The following COL23A1 variants were observed in gnomAD, a reference collection of about 807,000 sequenced individuals.
COL23A1 encodes the protein collagen alpha-1(XXIII) chain.
Under a neutral mutation model 99.3 loss-of-function variants are expected in COL23A1, and 97 were observed. That is an observed-to-expected ratio of 0.98 (90% confidence interval 0.83 to 1.16). The LOEUF is 1.16. COL23A1 is among the 50% of genes most tolerant of loss of function. COL23A1 has a pLI of 0.00. For synonymous variants in COL23A1, 320 were observed against 308.2 expected, an observed-to-expected ratio of 1.04 and a Z score of -0.40; for missense variants, 762 against 757.4, an observed-to-expected ratio of 1.01 and a Z score of -0.07.
rs555744217 is a variant in COL23A1 at position 178,384,498 on chromosome 5, G to A, written c.362-77579C>T. On this transcript the variant is annotated intron_variant, in intron 2 of 28. Coordinates refer to ENST00000390654, the MANE Select transcript of COL23A1 (RefSeq NM_173465.4). The surrounding 1 kb of genome is among the most constrained non-coding windows in gnomAD (Gnocchi z 5.5). ...TCGGCTTTTTGGAGGCCACGTGGAC[G>A]GCGCTGAGTGCATCCCTCTCCAGCG... is the stretch of plus-strand genomic sequence containing the variant. Among the ~76,000 whole-genome samples, 24 of 152,126 alleles carry A rather than the reference G, an allele frequency of 1.6e-4. No homozygotes were observed. The highest frequency in any genetic ancestry group is 2.2e-4 in the African/African-American group (9 of 41,520).
In COL23A1 at chr5:178,307,261, C is replaced by CT. The variant is rs1251464000; in HGVS notation, c.362-343dup. 6.6e-6 allele frequency among the ~76,000 whole-genome samples: 1 copy of CT among 152,232 alleles called. No individual in the cohort carries two copies. The highest frequency in any genetic ancestry group is 1.5e-5 in the Non-Finnish European group (1 of 68,050). ...GCTCCTGAGGCAGATGCGTTTGCAG[C>CT]TGAGAAACTTCAGACTTAGGAGGAA... On this transcript the variant is annotated intron_variant, in intron 2 of 28. Coordinates refer to ENST00000390654, the MANE Select transcript of COL23A1 (RefSeq NM_173465.4). This position sits in a 1 kb window ranked among gnomAD's most constrained non-coding sequence, Gnocchi z 4.2.
At chr5:178,358,697 ATGTGTATG>A (rs757760082) in intron 2 of COL23A1, among the ~76,000 whole-genome samples, 392 of 113,992 alleles carry the variant, frequency 3.4e-3, no homozygotes, top group South Asian at 0.028. Flanking sequence ...GTGTGTATGT[ATGTGTATG>A]TGTGTATGTG....
At chr5:178,438,468 C>T (rs974731191) in intron 2 of COL23A1, among the ~76,000 whole-genome samples, 5 of 152,176 alleles carry the variant, frequency 3.3e-5, no homozygotes, top group African/African-American at 4.8e-5. Flanking sequence ...CCTGTAGGAA[C>T]GCAGTTCATC....
chr5:178,279,011 A>C (rs1310946758), intron 5 of COL23A1, among the ~76,000 whole-genome samples: 1 of 152,188 alleles, frequency 6.6e-6, no homozygotes, highest in African/African-American at 2.4e-5. Flanking sequence ...GCCAGGCAGA[A>C]GCCTCATCAT....
At chr5:178,304,505 CAAAAAAAAAAAAA>C (rs35806686) in intron 3 of COL23A1, among the ~76,000 whole-genome samples, 269 of 32,242 alleles carry the variant, frequency 8.3e-3, no homozygotes, top group African/African-American at 0.017. Flanking sequence ...GCGACTGTCT[CAAAAAAAAAAAAA>C]AAAAAAAAAA....
chr5:178,269,377 A>AACCATCCATCCACCCG (rs1193520367), intron 6 of COL23A1, among the ~76,000 whole-genome samples: 1 of 49,274 alleles, frequency 2.0e-5, no homozygotes, highest in African/African-American at 6.3e-5. Context: ...CCACCCATCT[A>AACCATCCATCCACCCG]TCCATCCATC....
At chr5:178,411,559 C>A (rs1765057076) in intron 2 of COL23A1, among the ~76,000 whole-genome samples, 3 of 152,086 alleles carry the variant, frequency 2.0e-5, no homozygotes, top group African/African-American at 7.2e-5. Flanking sequence ...GTATAACTTA[C>A]ATGAAATATA....
At chr5:178,386,749 T>C (rs1401152265) in intron 2 of COL23A1, among the ~76,000 whole-genome samples, 2 of 152,222 alleles carry the variant, frequency 1.3e-5, no homozygotes, top group South Asian at 2.1e-4. Flanking sequence ...GCAGACACCA[T>C]GGGCTCCAGG....
chr5:178,580,327 C>CA lies in COL23A1; in HGVS notation c.294+9576dup, dbSNP rs139837263. 7.0e-3 allele frequency among the ~76,000 whole-genome samples: 794 copies of CA among 113,950 alleles called. 3 individuals are homozygous for CA. The highest frequency in any genetic ancestry group is 0.01 in the African/African-American group (307 of 30,502). 74.8% of individuals were successfully genotyped at this position (113,950 alleles called of 152,430 possible). On this transcript the variant is annotated intron_variant, in intron 1 of 28. Coordinates refer to ENST00000390654, the MANE Select transcript of COL23A1 (RefSeq NM_173465.4). ...TGGGCAACAGACTGAGACTCCATCTCAAAAAAAAAAAAAAGAAAGAAAGAA... is the reference window on the plus strand; with the variant it reads ...TGGGCAACAGACTGAGACTCCATCTCAAAAAAAAAAAAAAAGAAAGAAAGAA...
Position 178,590,289 on chromosome 5 carries a change from C to A in COL23A1, c.-92G>T, listed in dbSNP as rs965571111. On this transcript the variant is annotated 5_prime_UTR_variant, in exon 1 of 29. Coordinates refer to ENST00000390654, the MANE Select transcript of COL23A1 (RefSeq NM_173465.4). This position sits in a 1 kb window ranked among gnomAD's most constrained non-coding sequence, Gnocchi z 5.7. ...GGAGCAGGCGGGACAGCCCGAGGCA[C>A]GAGGTCCGCCGGGCGCGGGGGTTAG... 2 of 1,101,236 alleles carry A rather than the reference C, an allele frequency of 1.8e-6. No homozygotes were observed. Among genetic ancestry groups the A allele is most frequent in the South Asian group, 4.5e-5 (1 of 22,432 alleles). 68.2% of individuals were successfully genotyped at this position (1,101,236 alleles called of 1,614,324 possible).
At chr5:178,251,737 A>G (rs1765039988) in intron 17 of COL23A1, among the ~76,000 whole-genome samples, 1 of 152,122 alleles carries the variant, frequency 6.6e-6, no homozygotes, top group African/African-American at 2.4e-5. Flanking sequence ...CAGCTATAAG[A>G]CAAATGCTTG....
chr5:178,451,108 T>C (rs1415135110), intron 2 of COL23A1, among the ~76,000 whole-genome samples: 2 of 152,224 alleles, frequency 1.3e-5, no homozygotes, highest in Admixed American at 1.3e-4. Flanking sequence ...AAAGCAAGCT[T>C]TCCTGTTAAA....
chr5:178,584,308 CCA>C (rs4045513), intron 1 of COL23A1, among the ~76,000 whole-genome samples: 8,502 of 144,916 alleles, frequency 0.059, 313 homozygotes, highest in South Asian at 0.13. Flanking sequence ...CTGCACCTGG[CCA>C]CACACACACA....
In COL23A1 at chr5:178,250,193, C is replaced by T. The variant is rs373576486; in HGVS notation, c.1015-88G>A. The T allele has an allele frequency of 1.9e-5, 29 of 1,512,430 alleles. No individual in the cohort carries two copies. In the African/African-American group the frequency reaches 1.9e-4, roughly 10 times the overall value. 93.7% of individuals were successfully genotyped at this position (1,512,430 alleles called of 1,614,324 possible). ...AGAGGGCCAGGACACACTGTGCACC[C>T]GGCCCAGGGTGGGTCTTTGCAGTTG... On this transcript the variant is annotated intron_variant, in intron 17 of 28. Transcript: ENST00000390654.
At chr5:178,446,612 T>C (rs958066296) in intron 2 of COL23A1, among the ~76,000 whole-genome samples, 3 of 152,228 alleles carry the variant, frequency 2.0e-5, no homozygotes, top group African/African-American at 7.2e-5. Flanking sequence ...ACCGCTGTCA[T>C]AGATACTATG....
chr5:178,487,678 G>A (rs568601573), intron 2 of COL23A1, among the ~76,000 whole-genome samples: 1 of 152,222 alleles, frequency 6.6e-6, no homozygotes, highest in South Asian at 2.1e-4. Context: ...TATCTCTCCT[G>A]GGAAAACTGG....
Position 178,415,366 on chromosome 5 carries a change from A to C in COL23A1, c.362-108447T>G, listed in dbSNP as rs1407742585. ...CAGGCTGAGTAAACACTGTGCTCCA[A>C]ATCAGTCGAACGTCTAAAAACCGTC... On this transcript the variant is annotated intron_variant, in intron 2 of 28. Transcript: ENST00000390654. This position sits in a 1 kb window ranked among gnomAD's most constrained non-coding sequence, Gnocchi z 4.6. Among the ~76,000 whole-genome samples the C allele has an allele frequency of 6.6e-6, 1 of 152,144 alleles. No individual in the cohort carries two copies. The highest frequency in any genetic ancestry group is 1.5e-5 in the Non-Finnish European group (1 of 68,008).
At chr5:178,574,122 G>C (rs765513585) in intron 1 of COL23A1, among the ~76,000 whole-genome samples, 1 of 152,138 alleles carries the variant, frequency 6.6e-6, no homozygotes, top group Non-Finnish European at 1.5e-5. Flanking sequence ...GCCTCCCAAA[G>C]TGCTGGGATT....
chr5:178,286,490 C>T (rs1015244628), intron 5 of COL23A1, among the ~76,000 whole-genome samples: 2 of 152,224 alleles, frequency 1.3e-5, no homozygotes, highest in South Asian at 2.1e-4. Flanking sequence ...CTTTAATTCC[C>T]GACAGTCCTG....
Sources: gnomAD v4.1 joint callset for allele counts (sites outside exome capture counted in the v4.1 genomes callset) on GRCh38, gnomAD v4.1.1 for gene constraint, Gnocchi (gnomAD v3.1) non-coding constraint, MANE v1.5 for transcripts, NCBI Gene and HGNC (gene_info 2026-07-23, HGNC 2026-07-21) for gene names.